Variants in CALCRL observed in about 807,000 individuals in gnomAD.
CALCRL encodes the protein calcitonin receptor like receptor, also known as calcitonin gene-related peptide type 1 receptor.
A neutral mutation model predicts 60.4 loss-of-function variants in CALCRL; 27 were observed. That is an observed-to-expected ratio of 0.45 (90% CI 0.33 to 0.62). The LOEUF is 0.62. Among genes scored for constraint, CALCRL ranks in the 20% least tolerant of loss-of-function variants. The pLI is 0.03. For synonymous variants in CALCRL, 190 were observed against 182.6 expected (o/e 1.04, Z -0.33); for missense variants, 424 against 540.7 (o/e 0.78, Z 2.14).
chr2:187,434,723 G>A lies in CALCRL; in HGVS notation c.-293+13316C>T, dbSNP rs557274802. The stretch of plus-strand genomic sequence containing the variant: ...CCAGATGTTCCTCAGCAGGAAAAAG[G>A]ATAAATACATTGTGTTACATTCATA... On this transcript the variant is annotated intron_variant, in intron 1 of 14. Coordinates refer to ENST00000392370, the MANE Select transcript of CALCRL (RefSeq NM_005795.6). 2.6e-5 allele frequency among the ~76,000 whole-genome samples: 4 copies of A among 152,218 alleles called. No individual in the cohort carries two copies. In the South Asian group the frequency reaches 8.3e-4, roughly 32 times the overall value.
At chr2:187,384,994 A>G (rs1382719193) in intron 4 of CALCRL, among the ~76,000 whole-genome samples, 3 of 152,128 alleles carry the variant, frequency 2.0e-5, no homozygotes, top group Non-Finnish European at 4.4e-5. Context: ...CCATATCCCC[A>G]TTGTATACAT....
chr2:187,376,754 T>G (rs977846815), intron 8 of CALCRL, among the ~76,000 whole-genome samples: 3 of 152,142 alleles, frequency 2.0e-5, no homozygotes, highest in Non-Finnish European at 4.4e-5. Context: ...ACCATTGTCC[T>G]TCCCTGTAGC....
At chr2:187,413,521 A>T (rs1486819829) in intron 1 of CALCRL, among the ~76,000 whole-genome samples, 2 of 152,178 alleles carry the variant, frequency 1.3e-5, no homozygotes, top group African/African-American at 4.8e-5. Context: ...AATAGAAGAC[A>T]TTGTAATTTA....
intron 1 of CALCRL, among the ~76,000 whole-genome samples, chr2:187,421,633 C>G (rs910095886): frequency 6.6e-6 from 1 of 152,242 alleles, no homozygotes; most frequent in African/African-American, 2.4e-5. Flanking sequence ...AGTCCTGCTA[C>G]ATTCTGTGCA....
chr2:187,380,804 T>A lies in CALCRL; in HGVS notation c.185-17A>T. ...AGTAAACGCCTTAGTGGGGAAATAA[T>A]AATTGGGGATAATTAAATCCTTCTA... On this transcript the variant is annotated splice_polypyrimidine_tract_variant and intron_variant, in intron 5 of 14. Coordinates refer to ENST00000392370, the MANE Select transcript of CALCRL (RefSeq NM_005795.6). The A allele has an allele frequency of 6.4e-7, 1 of 1,567,604 alleles. No individual in the cohort carries two copies. Among genetic ancestry groups the A allele is most frequent in the Non-Finnish European group, 8.8e-7 (1 of 1,140,286 alleles).
intron 8 of CALCRL, among the ~76,000 whole-genome samples, chr2:187,368,458 G>A (rs538068983): frequency 2.6e-5 from 4 of 151,972 alleles, no homozygotes; most frequent in Admixed American, 2.0e-4. Flanking sequence ...ATGATGAAGG[G>A]CAATACATAA....
chr2:187,385,583 A>T lies in CALCRL; in HGVS notation c.13T>A (p.Cys5Ser). 1 of 1,565,538 alleles carries T rather than the reference A, an allele frequency of 6.4e-7. No individual in the cohort carries two copies. Among genetic ancestry groups the T allele is most frequent in the South Asian group, 1.1e-5 (1 of 87,388 alleles). The part of the protein sequence containing the change: MEKK[C>S]TLYFLVLLPF... The stretch of plus-strand genomic sequence containing the variant: ...AAGAGAACCAGAAAATACAGGGTAC[A>T]CTTTTTCTCCATCATTAAGCCAAAA... The change falls in exon 4 of 15, where the codon TGT becomes AGT. Residue 5 changes from cysteine to serine, a missense_variant. Physicochemically the swap from Cys to Ser is moderately radical, Grantham distance 112. Coordinates refer to ENST00000392370, the MANE Select transcript of CALCRL (RefSeq NM_005795.6).
Position 187,344,158 on chromosome 2 carries a change from T to G in CALCRL, c.*2026A>C, listed in dbSNP as rs2105672352. 1 of 151,698 alleles carries G rather than the reference T, an allele frequency of 6.6e-6. No homozygotes were observed. Among genetic ancestry groups the G allele is most frequent in the South Asian group, 2.1e-4 (1 of 4,834 alleles). 9.4% of individuals were successfully genotyped at this position (151,698 alleles called of 1,614,324 possible). A position where few individuals can be genotyped will look rare whatever the true frequency, so the allele number is the denominator to read the frequency against. On this transcript the variant is annotated 3_prime_UTR_variant, in exon 15 of 15. Transcript: ENST00000392370. ...AATAATTGAGTTTATTAAAATGAAT[T>G]TTTGTATAATTTAGGCAGTTGAAGG...
chr2:187,378,231 A>G (rs555846029), intron 8 of CALCRL, among the ~76,000 whole-genome samples: 128 of 152,280 alleles, frequency 8.4e-4, no homozygotes, highest in East Asian at 1.5e-3. Flanking sequence ...TGAAGATACA[A>G]TGAAACATAG....
At chr2:187,374,709 A>G (rs981004618) in intron 8 of CALCRL, among the ~76,000 whole-genome samples, 10 of 152,146 alleles carry the variant, frequency 6.6e-5, no homozygotes, top group Non-Finnish European at 1.5e-4. Context: ...ATGACTACAT[A>G]AATGTATTCT....
intron 8 of CALCRL, among the ~76,000 whole-genome samples, chr2:187,368,685 G>A (rs1687398092): frequency 6.6e-6 from 1 of 152,094 alleles, no homozygotes; most frequent in African/African-American, 2.4e-5. Flanking sequence ...TGAGCAAAAT[G>A]AATCATGAAA....
intron 1 of CALCRL, among the ~76,000 whole-genome samples, chr2:187,401,655 A>G (rs541766260): frequency 8.8e-4 from 133 of 151,720 alleles, no homozygotes; most frequent in African/African-American, 2.7e-3. Flanking sequence ...TTCTCCTGTC[A>G]GTGATTTCAC....
chr2:187,406,910 G>A (rs1018428040), intron 1 of CALCRL, among the ~76,000 whole-genome samples: 5 of 151,930 alleles, frequency 3.3e-5, no homozygotes, highest in African/African-American at 9.7e-5. Context: ...GTACAATAAC[G>A]CTAGTAGTGT....
At chr2:187,408,967 G>A (rs149476719) in intron 1 of CALCRL, among the ~76,000 whole-genome samples, 9 of 152,124 alleles carry the variant, frequency 5.9e-5, no homozygotes, top group African/African-American at 2.2e-4. Context: ...ATTTTAAAGG[G>A]AGCATGAATA....
At chr2:187,350,689 A>C (rs1380211527) in intron 14 of CALCRL, among the ~76,000 whole-genome samples, 1 of 151,698 alleles carries the variant, frequency 6.6e-6, no homozygotes, top group Admixed American at 6.6e-5. Flanking sequence ...TACTTAAGCA[A>C]GCGCAAATAA....
chr2:187,343,645 A>G lies in CALCRL; in HGVS notation c.*2539T>C, dbSNP rs1246218404. On this transcript the variant is annotated 3_prime_UTR_variant, in exon 15 of 15. Coordinates refer to ENST00000392370, the MANE Select transcript of CALCRL (RefSeq NM_005795.6). The stretch of plus-strand genomic sequence containing the variant: ...TTTAGAAAATTAAAATATGACTTTC[A>G]CAAGTAATCACAGTAAAATGCAGAT... 6.6e-6 allele frequency: 1 copy of G among 151,386 alleles called. No homozygotes were observed. The highest frequency in any genetic ancestry group is 2.4e-5 in the African/African-American group (1 of 41,336). 9.4% of individuals were successfully genotyped at this position (151,386 alleles called of 1,614,324 possible).
Position 187,342,383 on chromosome 2 carries a change from GA to G in CALCRL, c.*3800del, listed in dbSNP as rs1356702110. ...CTACTAATATACTAAAAACTGCTTT[GA>G]ATATGAAGTATTATATGATATGTCA... On this transcript the variant is annotated 3_prime_UTR_variant, in exon 15 of 15. Transcript: ENST00000392370. Among the ~76,000 whole-genome samples, 1 of 151,644 alleles carries G rather than the reference GA, an allele frequency of 6.6e-6. No individual in the cohort carries two copies. The highest frequency in any genetic ancestry group is 1.5e-5 in the Non-Finnish European group (1 of 67,672).
chr2:187,405,108 G>T (rs1195183089), intron 1 of CALCRL, among the ~76,000 whole-genome samples: 2 of 151,924 alleles, frequency 1.3e-5, no homozygotes, highest in Non-Finnish European at 2.9e-5. Context: ...TATTGTGGGG[G>T]TTAAATGTAA....
chr2:187,381,416 G>A (rs560225243), intron 5 of CALCRL, among the ~76,000 whole-genome samples: 2 of 151,762 alleles, frequency 1.3e-5, no homozygotes, highest in South Asian at 2.1e-4. Flanking sequence ...TAAATTAACC[G>A]ACCAATGTTC....
Sources: allele counts gnomAD v4.1 joint callset (sites outside exome capture counted in the v4.1 genomes callset), GRCh38; gene constraint gnomAD v4.1.1; transcripts MANE v1.5; gene names NCBI Gene and HGNC (gene_info 2026-07-23, HGNC 2026-07-21).